Variants in PLXDC2 observed in about 807,000 individuals in gnomAD.
PLXDC2 encodes the protein plexin domain containing 2.
PLXDC2 carries 40 observed loss-of-function variants against 68.9 expected under a neutral mutation model. The ratio of observed to expected loss-of-function variants is 0.58; its 90% CI spans 0.45 to 0.76. PLXDC2 has a LOEUF of 0.76. Among genes scored for constraint, PLXDC2 ranks in the 30% least tolerant of loss-of-function variants. PLXDC2 has a pLI of 0.00. For missense variants in PLXDC2, 644 were observed against 661.9 expected, an observed-to-expected ratio of 0.97 and a Z score of 0.30; for synonymous variants, 243 against 234.2, an observed-to-expected ratio of 1.04 and a Z score of -0.34.
intron 13 of PLXDC2, among the ~76,000 whole-genome samples, chr10:20,278,762 C>T (rs991439486): frequency 6.6e-6 from 1 of 152,206 alleles, no homozygotes; most frequent in African/African-American, 2.4e-5. Context: ...GACATATAAC[C>T]TGTTTTACAT....
chr10:19,987,380 C>T (rs1005863076), intron 1 of PLXDC2, among the ~76,000 whole-genome samples: 7 of 152,086 alleles, frequency 4.6e-5, no homozygotes, highest in South Asian at 2.1e-4. Context: ...TTCATGGTCA[C>T]GTGCATCCCG....
At chr10:20,145,742 A>T (rs1358005901) in intron 5 of PLXDC2, among the ~76,000 whole-genome samples, 1 of 151,586 alleles carries the variant, frequency 6.6e-6, no homozygotes, top group Non-Finnish European at 1.5e-5. Flanking sequence ...TTTAGTAGAG[A>T]TGGGGTTTCA....
At chr10:20,087,816 G>T (rs117216691) in intron 4 of PLXDC2, among the ~76,000 whole-genome samples, 1 of 152,194 alleles carries the variant, frequency 6.6e-6, no homozygotes, top group Non-Finnish European at 1.5e-5. Flanking sequence ...GGTTTTCATG[G>T]CCCATTTGTA....
intron 1 of PLXDC2, among the ~76,000 whole-genome samples, chr10:19,818,095 T>C (rs552076488): frequency 4.6e-5 from 7 of 151,826 alleles, no homozygotes; most frequent in African/African-American, 1.7e-4. Context: ...TTGGCAGAAA[T>C]TGGTGAACTA....
chr10:20,084,172 T>C (rs191343019), intron 4 of PLXDC2, among the ~76,000 whole-genome samples: 5 of 152,176 alleles, frequency 3.3e-5, no homozygotes, highest in African/African-American at 1.2e-4. Flanking sequence ...GGGTTAGAAA[T>C]GGGTAAGGCC....
intron 6 of PLXDC2, among the ~76,000 whole-genome samples, chr10:20,161,460 T>TG (rs1393683965): frequency 6.6e-6 from 1 of 151,940 alleles, no homozygotes; most frequent in East Asian, 1.9e-4. Flanking sequence ...TCTCTTTTTT[T>TG]TTTTTTGCTT....
At chr10:20,013,994 T>A (rs1835160291) in intron 2 of PLXDC2, among the ~76,000 whole-genome samples, 1 of 152,194 alleles carries the variant, frequency 6.6e-6, no homozygotes, top group Non-Finnish European at 1.5e-5. Context: ...TAAGTATTCA[T>A]TAGAAATTTT....
rs555676580 is a variant in PLXDC2 at position 19,866,932 on chromosome 10, T to C, written c.112+49741T>C. Among the ~76,000 whole-genome samples, 6 of 152,310 alleles carry C rather than the reference T, an allele frequency of 3.9e-5. No individual in the cohort carries two copies. In the East Asian group the frequency reaches 1.2e-3, roughly 29 times the overall value. ...GCAATTGGTCAAGGAAGCAAGGCTT[T>C]GTCTAAAAAGTTGGGGTCAGCAGAA... On this transcript the variant is annotated intron_variant, in intron 1 of 13. Coordinates refer to ENST00000377252, the MANE Select transcript of PLXDC2 (RefSeq NM_032812.9).
chr10:20,123,598 G>A (rs1371582214), intron 4 of PLXDC2, among the ~76,000 whole-genome samples: 3 of 152,056 alleles, frequency 2.0e-5, no homozygotes, highest in African/African-American at 7.2e-5. Flanking sequence ...TAAGAACACA[G>A]GCTAAGGGAG....
intron 12 of PLXDC2, among the ~76,000 whole-genome samples, chr10:20,237,956 G>T (rs1835456338): frequency 6.6e-6 from 1 of 151,912 alleles, no homozygotes; most frequent in Admixed American, 6.6e-5. Context: ...GACTTTAATT[G>T]TTGGCAAGAT....
At chr10:20,019,997 A>G (rs759684295) in intron 2 of PLXDC2, among the ~76,000 whole-genome samples, 1 of 150,610 alleles carries the variant, frequency 6.6e-6, no homozygotes, top group Non-Finnish European at 1.5e-5. Context: ...GAAAACAAAA[A>G]TCTCTTTTCT....
At chr10:20,198,102 C>G (rs1834865905) in intron 9 of PLXDC2, among the ~76,000 whole-genome samples, 1 of 152,098 alleles carries the variant, frequency 6.6e-6, no homozygotes, top group Non-Finnish European at 1.5e-5. Context: ...ACTCCTTGAT[C>G]AGAGAACATT....
chr10:19,872,930 C>A (rs1837567112), intron 1 of PLXDC2, among the ~76,000 whole-genome samples: 1 of 152,114 alleles, frequency 6.6e-6, no homozygotes. Context: ...CTGTTTGGTT[C>A]ACTCCCGTTT....
chr10:19,837,032 T>C (rs1836806410), intron 1 of PLXDC2, among the ~76,000 whole-genome samples: 1 of 152,152 alleles, frequency 6.6e-6, no homozygotes, highest in Non-Finnish European at 1.5e-5. Flanking sequence ...CTCTTCTCAC[T>C]AAGAAACTGT....
chr10:19,894,801 A>G (rs1838028196), intron 1 of PLXDC2, among the ~76,000 whole-genome samples: 1 of 152,188 alleles, frequency 6.6e-6, no homozygotes, highest in African/African-American at 2.4e-5. Context: ...GGATATGGAG[A>G]AATAGGAACG....
intron 9 of PLXDC2, among the ~76,000 whole-genome samples, chr10:20,185,515 A>G (rs2131833717): frequency 6.6e-6 from 1 of 152,126 alleles, no homozygotes; most frequent in East Asian, 1.9e-4. Flanking sequence ...TTAGGACACC[A>G]CAATTGTTGA....
At chr10:19,919,782 C>T (rs969177016) in intron 1 of PLXDC2, among the ~76,000 whole-genome samples, 5 of 152,218 alleles carry the variant, frequency 3.3e-5, no homozygotes, top group African/African-American at 7.2e-5. Context: ...TCTATCTAGA[C>T]GATTCCATTC....
chr10:20,039,118 G>A (rs1047240282), intron 2 of PLXDC2, among the ~76,000 whole-genome samples: 2 of 152,144 alleles, frequency 1.3e-5, no homozygotes, highest in African/African-American at 2.4e-5. Context: ...CAAGTTTAAT[G>A]TCTTCAACCA....
At position 20,126,767 on chromosome 10, in the gene PLXDC2, CACACATGTTATATATGTATATAGA is replaced by C. The variant is rs1564325313; in HGVS notation, c.542-16522_542-16499del. Among the ~76,000 whole-genome samples the C allele has an allele frequency of 7.2e-5, 10 of 139,514 alleles. 3 individuals are homozygous for C. Among genetic ancestry groups the C allele is most frequent in the African/African-American group, 2.7e-4 (10 of 36,532 alleles). The allele number at this position is 139,514 out of a possible 152,430, so 91.5% of individuals were successfully genotyped here. A position where few individuals can be genotyped will look rare whatever the true frequency, so the allele number is the denominator to read the frequency against. On this transcript the variant is annotated intron_variant, in intron 4 of 13. Transcript: ENST00000377252. ...ACACACGTTATATATGTATATAGAACACACATGTTATATATGTATATAGAACACACGTTATATATGTATATATAA... is the reference window on the plus strand; with the variant it reads ...ACACACGTTATATATGTATATAGAACACACACGTTATATATGTATATATAA...
Sources: allele counts gnomAD v4.1 joint callset (sites outside exome capture counted in the v4.1 genomes callset), GRCh38; gene constraint gnomAD v4.1.1; transcripts MANE v1.5; gene names NCBI Gene and HGNC (gene_info 2026-07-23, HGNC 2026-07-21).